The following CTTNBP2NL variants were observed in gnomAD, a reference collection of about 807,000 sequenced individuals.
CTTNBP2NL encodes CTTNBP2 N-terminal like, also known as CTTNBP2 N-terminal-like protein.
A neutral mutation model predicts 32.5 loss-of-function variants in CTTNBP2NL; 16 were observed. The observed-to-expected ratio is 0.49, with a 90% confidence interval of 0.33 to 0.75. The LOEUF (loss-of-function observed/expected upper bound fraction) is 0.75, where lower values mean the gene tolerates loss of function less well. CTTNBP2NL is among the 30% of genes least tolerant of loss of function. The probability of loss-of-function intolerance (pLI) is 0.02; values close to 1 mark genes in which losing one functional copy is unlikely to be tolerated. For missense variants in CTTNBP2NL, 645 were observed against 756.0 expected (o/e 0.85, Z 1.72); for synonymous variants, 298 against 289.4 (o/e 1.03, Z -0.30).
intron 3 of CTTNBP2NL, among the ~76,000 whole-genome samples, chr1:112,420,689 G>A (rs985170913): frequency 2.0e-5 from 3 of 150,768 alleles, no homozygotes; most frequent in East Asian, 4.0e-4. Flanking sequence ...GGCTGGTTTC[G>A]AACTCCTGCT....
chr1:112,452,749 C>G (rs1411600253), intron 4 of CTTNBP2NL, among the ~76,000 whole-genome samples: 1 of 149,170 alleles, frequency 6.7e-6, no homozygotes, highest in African/African-American at 2.5e-5. Context: ...TGAGGTGATC[C>G]TTCCACCTCA....
intron 4 of CTTNBP2NL, among the ~76,000 whole-genome samples, chr1:112,452,111 T>C (rs1650237940): frequency 6.6e-6 from 1 of 152,184 alleles, no homozygotes; most frequent in African/African-American, 2.4e-5. Flanking sequence ...CATGTCTTTC[T>C]ATTAAATTGA....
chr1:112,434,114 T>G (rs553582452), intron 3 of CTTNBP2NL, among the ~76,000 whole-genome samples: 1 of 152,324 alleles, frequency 6.6e-6, no homozygotes, highest in South Asian at 2.1e-4. Context: ...TCCTGATACT[T>G]TGTTCTTAGC....
intron 1 of CTTNBP2NL, among the ~76,000 whole-genome samples, chr1:112,406,711 A>G (rs1648677874): frequency 1.3e-5 from 2 of 152,164 alleles, no homozygotes; most frequent in Non-Finnish European, 2.9e-5. Flanking sequence ...TTCTTAGAAA[A>G]CTGCTATAGA....
At chr1:112,414,060 TAAATAA>T (rs1267094078) in intron 2 of CTTNBP2NL, among the ~76,000 whole-genome samples, 1 of 145,392 alleles carries the variant, frequency 6.9e-6, no homozygotes, top group Non-Finnish European at 1.5e-5. Context: ...AAAAAATAAA[TAAATAA>T]AAAGAAAAAG....
chr1:112,434,278 C>T (rs1025780010), intron 3 of CTTNBP2NL, among the ~76,000 whole-genome samples: 3 of 152,094 alleles, frequency 2.0e-5, no homozygotes, highest in Non-Finnish European at 2.9e-5. Context: ...CTAAATATCC[C>T]GTATCACAGT....
At chr1:112,395,819 A>ATTCT (rs1203268695), upstream of CTTNBP2NL, among the ~76,000 whole-genome samples, 1 of 152,222 alleles carries the variant, frequency 6.6e-6, no homozygotes, top group African/African-American at 2.4e-5. Context: ...ATTTATTAAC[A>ATTCT]TTCTGGATAA....
At chr1:112,454,902 T>G (rs1469079609) in intron 5 of CTTNBP2NL, among the ~76,000 whole-genome samples, 1 of 152,200 alleles carries the variant, frequency 6.6e-6, no homozygotes, top group East Asian at 1.9e-4. Context: ...GCTCTCAAAC[T>G]TTTGACTTAG....
In CTTNBP2NL at chr1:112,460,086, GCAAAAGCTGTTA is replaced by G. The variant is rs1187073808; in HGVS notation, c.*2676_*2687del. On this transcript the variant is annotated 3_prime_UTR_variant, in exon 6 of 6. Coordinates refer to ENST00000271277, the MANE Select transcript of CTTNBP2NL (RefSeq NM_018704.3). ...CACAATTTTAGTATTAACCCATGTT[GCAAAAGCTGTTA>G]CTGGCCAACAGATTGTAATGATGTG... The G allele has an allele frequency of 1.3e-5, 2 of 152,140 alleles. No individual in the cohort carries two copies. The highest frequency in any genetic ancestry group is 1.5e-5 in the Non-Finnish European group (1 of 68,028). The allele number at this position is 152,140 out of a possible 1,614,324, so 9.4% of individuals were successfully genotyped here.
At chr1:112,404,811 G>A (rs1193571967) in intron 1 of CTTNBP2NL, among the ~76,000 whole-genome samples, 1 of 152,172 alleles carries the variant, frequency 6.6e-6, no homozygotes, top group African/African-American at 2.4e-5. Context: ...CAGCACTTTG[G>A]GAGGCCGAGG....
chr1:112,450,990 A>G (rs1650199206), intron 4 of CTTNBP2NL, among the ~76,000 whole-genome samples: 1 of 152,072 alleles, frequency 6.6e-6, no homozygotes, highest in African/African-American at 2.4e-5. Context: ...GTTATTAACC[A>G]TATTCCCTTT....
chr1:112,422,325 C>A (rs187977673), intron 3 of CTTNBP2NL, among the ~76,000 whole-genome samples: 2 of 152,098 alleles, frequency 1.3e-5, no homozygotes, highest in Admixed American at 1.3e-4. Flanking sequence ...TAGCTCATTT[C>A]TTCTTTGTTA....
intron 5 of CTTNBP2NL, among the ~76,000 whole-genome samples, 168 bp from the exon 6 acceptor site, chr1:112,455,763 T>G (rs1027203377): frequency 6.6e-6 from 1 of 152,200 alleles, no homozygotes; most frequent in Non-Finnish European, 1.5e-5. Context: ...AAAGAAAGAT[T>G]AAATCATAGT....
chr1:112,418,055 CTGTTT>C (rs900577337), intron 3 of CTTNBP2NL, among the ~76,000 whole-genome samples: 1 of 152,030 alleles, frequency 6.6e-6, no homozygotes, highest in Non-Finnish European at 1.5e-5. Context: ...TTTTTCTTTT[CTGTTT>C]TGTCTCCAGT....
At position 112,459,499 on chromosome 1, in the gene CTTNBP2NL, A is replaced by T. The variant is rs1299053464; in HGVS notation, c.*2087A>T. 1 of 107,988 alleles carries T rather than the reference A, an allele frequency of 9.3e-6. No homozygotes were observed. Among genetic ancestry groups the T allele is most frequent in the African/African-American group, 2.5e-5 (1 of 40,212 alleles). 6.7% of individuals were successfully genotyped at this position (107,988 alleles called of 1,614,324 possible). Reference sequence around the variant, plus strand: ...AGTAAAAAGGCAGGTGATGGAAATCAGTGTATAAATCACAATGGAGTATAT... The same window carrying T: ...AGTAAAAAGGCAGGTGATGGAAATCTGTGTATAAATCACAATGGAGTATAT... On this transcript the variant is annotated 3_prime_UTR_variant, in exon 6 of 6. Coordinates refer to ENST00000271277, the MANE Select transcript of CTTNBP2NL (RefSeq NM_018704.3).
At chr1:112,440,628 C>T (rs1373207605) in intron 3 of CTTNBP2NL, among the ~76,000 whole-genome samples, 1 of 152,104 alleles carries the variant, frequency 6.6e-6, no homozygotes, top group Admixed American at 6.5e-5. Flanking sequence ...TGATCAAGAC[C>T]TACTAAATTG....
intron 1 of CTTNBP2NL, among the ~76,000 whole-genome samples, chr1:112,405,433 G>A (rs1176707104): frequency 6.6e-6 from 1 of 152,122 alleles, no homozygotes; most frequent in African/African-American, 2.4e-5. Context: ...GAGAAGCTGG[G>A]ATCACAGGTG....
intron 1 of CTTNBP2NL, among the ~76,000 whole-genome samples, chr1:112,404,834 T>C (rs2999476): frequency 0.47 from 71,005 of 152,048 alleles, 18,377 homozygotes; most frequent in African/African-American, 0.7. Context: ...GGCGGGTCAC[T>C]TGAGGTCAGG....
intron 3 of CTTNBP2NL, among the ~76,000 whole-genome samples, chr1:112,419,621 C>T (rs1054099509): frequency 6.6e-6 from 1 of 152,010 alleles, no homozygotes; most frequent in Non-Finnish European, 1.5e-5. Context: ...TTGGTCACGG[C>T]CTTGTACTTA....
Sources: allele counts gnomAD v4.1 joint callset (sites outside exome capture counted in the v4.1 genomes callset), GRCh38; gene constraint gnomAD v4.1.1; transcripts MANE v1.5; gene names NCBI Gene and HGNC (gene_info 2026-07-23, HGNC 2026-07-21).